CAMKMT: variants seen among roughly 807,000 people sequenced by gnomAD.
CAMKMT encodes calmodulin-lysine N-methyltransferase.
CAMKMT carries 53 observed loss-of-function variants against 48.0 expected under a neutral mutation model. That is an observed-to-expected ratio of 1.10 (90% CI 0.89 to 1.39). The LOEUF is 1.39. CAMKMT is among the 40% of genes most tolerant of loss of function. CAMKMT has a pLI of 0.00. For missense variants in CAMKMT, 428 were observed against 402.7 expected, an observed-to-expected ratio of 1.06 and a Z score of -0.54; for synonymous variants, 165 against 152.3, an observed-to-expected ratio of 1.08 and a Z score of -0.61.
rs185937647 is a variant in CAMKMT, at chr2:44,587,355, C to G, written c.377-116928C>G. ...TTTTCAAAGTACAGGTTTTACATAT[C>G]TTTTGTCAGATTTACCCCTAAGAAT... On this transcript the variant is annotated intron_variant, in intron 3 of 10. Transcript: ENST00000378494. 1.4e-4 allele frequency among the ~76,000 whole-genome samples: 22 copies of G among 152,214 alleles called. No homozygotes were observed. The East Asian group carries it at 4.2e-3, about 29-fold the overall frequency.
At position 44,521,397 on chromosome 2, in the gene CAMKMT, G is replaced by A. The variant is rs1296746562; in HGVS notation, c.376+131092G>A. On this transcript the variant is annotated intron_variant, in intron 3 of 10. Coordinates refer to ENST00000378494, the MANE Select transcript of CAMKMT (RefSeq NM_024766.5). ...AGGTTCAAGCGATTCCTGTGCCTCA[G>A]CTTCCCGAGTAGCTGGGACTGCAGG... is the stretch of plus-strand genomic sequence containing the variant. 4.6e-5 allele frequency among the ~76,000 whole-genome samples: 7 copies of A among 152,124 alleles called. No individual in the cohort carries two copies. The South Asian group carries it at 6.2e-4, about 14-fold the overall frequency.
At chr2:44,514,798 A>G (rs1250903213) in intron 3 of CAMKMT, among the ~76,000 whole-genome samples, 2 of 152,232 alleles carry the variant, frequency 1.3e-5, no homozygotes, top group African/African-American at 2.4e-5. Flanking sequence ...GGTTGTTGCT[A>G]TAGCAATGAT....
chr2:44,723,589 AAAATAAATAAATACATACATAAAT>A (rs1200260552), intron 7 of CAMKMT: 4 of 138,882 alleles, frequency 2.9e-5, no homozygotes, highest in African/African-American at 1.1e-4. Context: ...AGTCCATCTC[AAAATAAATAAATACATACATAAAT>A]AAATAAATAA....
At chr2:44,515,964 CG>C (rs1380189909) in intron 3 of CAMKMT, among the ~76,000 whole-genome samples, 1 of 152,140 alleles carries the variant, frequency 6.6e-6, no homozygotes, top group Admixed American at 6.5e-5. Flanking sequence ...ATGAGAGTCA[CG>C]GAGAAGCAAT....
intron 3 of CAMKMT, among the ~76,000 whole-genome samples, chr2:44,395,576 G>A (rs1681758874): frequency 6.6e-6 from 1 of 152,102 alleles, no homozygotes; most frequent in South Asian, 2.1e-4. Context: ...TGAAGTTCAG[G>A]TTTTAGCTCT....
chr2:44,523,579 G>C (rs1004683897), intron 3 of CAMKMT, among the ~76,000 whole-genome samples: 3 of 151,636 alleles, frequency 2.0e-5, no homozygotes, highest in African/African-American at 4.8e-5. Context: ...ACAGGCATGA[G>C]TCACCACACC....
At chr2:44,498,304 T>C (rs937466287) in intron 3 of CAMKMT, among the ~76,000 whole-genome samples, 8 of 152,228 alleles carry the variant, frequency 5.3e-5, no homozygotes, top group Non-Finnish European at 1.2e-4. Context: ...GTTTTGGTGA[T>C]GACCCATGTC....
chr2:44,706,157 T>G (rs1677545918), intron 4 of CAMKMT, 130 bp from the exon 5 acceptor site: 4 of 793,308 alleles, frequency 5.0e-6, no homozygotes, highest in South Asian at 3.2e-5. Context: ...GGTAGCCTAG[T>G]CATGTCTCTA....
intron 3 of CAMKMT, among the ~76,000 whole-genome samples, chr2:44,498,017 TC>T (rs1183174580): frequency 6.6e-6 from 1 of 152,146 alleles, no homozygotes; most frequent in Non-Finnish European, 1.5e-5. Context: ...AATAAAGACA[TC>T]AGGGATCATG....
intron 3 of CAMKMT, among the ~76,000 whole-genome samples, chr2:44,419,877 AT>A (rs963120475): frequency 7.3e-5 from 11 of 151,162 alleles, no homozygotes; most frequent in South Asian, 2.1e-4. Context: ...CTTTAAAAAA[AT>A]TTTTTTTTTC....
At chr2:44,417,491 G>A (rs1212949278) in intron 3 of CAMKMT, among the ~76,000 whole-genome samples, 1 of 152,222 alleles carries the variant, frequency 6.6e-6, no homozygotes, top group Non-Finnish European at 1.5e-5. Flanking sequence ...GTTTTGGGCT[G>A]TTTTGCATAA....
intron 3 of CAMKMT, among the ~76,000 whole-genome samples, chr2:44,623,813 C>T (rs139022843): frequency 1.3e-5 from 2 of 152,284 alleles, no homozygotes; most frequent in Non-Finnish European, 2.9e-5. Context: ...CCCTACTCCA[C>T]CACCAGGAAG....
chr2:44,661,986 C>T (rs1240903842), intron 3 of CAMKMT, among the ~76,000 whole-genome samples: 2 of 152,178 alleles, frequency 1.3e-5, no homozygotes, highest in Non-Finnish European at 2.9e-5. Context: ...TAAAAAATAG[C>T]TTGCCCATAT....
At chr2:44,731,980 C>T (rs559287669) in intron 7 of CAMKMT, among the ~76,000 whole-genome samples, 5 of 152,324 alleles carry the variant, frequency 3.3e-5, no homozygotes, top group South Asian at 2.1e-4. Flanking sequence ...GAGACAGGAT[C>T]GTACTTTGTC....
intron 3 of CAMKMT, chr2:44,631,668 T>C: frequency 2.4e-6 from 1 of 414,616 alleles, no homozygotes; most frequent in Non-Finnish European, 4.2e-6. Flanking sequence ...GACAAGTTTT[T>C]CTTTTTAATT....
intron 7 of CAMKMT, among the ~76,000 whole-genome samples, chr2:44,737,138 C>G (rs1158460287): frequency 6.6e-6 from 1 of 151,714 alleles, no homozygotes; most frequent in African/African-American, 2.4e-5. Context: ...GTTTTAGAGA[C>G]AGAGTCTCAC....
intron 3 of CAMKMT, among the ~76,000 whole-genome samples, chr2:44,514,494 T>G (rs767557612): frequency 2.9e-4 from 44 of 152,078 alleles, no homozygotes; most frequent in East Asian, 1.9e-4. Flanking sequence ...CGGACATTGG[T>G]TTATGGTGGC....
intron 3 of CAMKMT, among the ~76,000 whole-genome samples, chr2:44,548,593 T>G (rs551253716): frequency 6.6e-6 from 1 of 152,318 alleles, no homozygotes; most frequent in South Asian, 2.1e-4. Context: ...CATAAAGCAG[T>G]GACATTATCT....
At position 44,522,300 on chromosome 2, in the gene CAMKMT, C is replaced by T. The variant is rs183330943; in HGVS notation, c.376+131995C>T. On this transcript the variant is annotated intron_variant, in intron 3 of 10. Transcript: ENST00000378494. ...GATTACAGGCATGAGCCACCGAGCC[C>T]GGCCCCTCTTTTCATTTCATATTCT... Among the ~76,000 whole-genome samples, 41 of 152,194 alleles carry T rather than the reference C, an allele frequency of 2.7e-4. 2 individuals carry two copies. The East Asian group carries it at 6.4e-3, about 24-fold the overall frequency.
Sources: gnomAD v4.1 joint callset for allele counts (sites outside exome capture counted in the v4.1 genomes callset) on GRCh38, gnomAD v4.1.1 for gene constraint, MANE v1.5 for transcripts, NCBI Gene and HGNC (gene_info 2026-07-23, HGNC 2026-07-21) for gene names.